SNX29: variants seen among roughly 807,000 people sequenced by gnomAD.
SNX29 encodes the protein sorting nexin-29.
SNX29 carries 78 observed loss-of-function variants against 102.1 expected under a neutral mutation model. The ratio of observed to expected loss-of-function variants is 0.76; its 90% CI spans 0.64 to 0.92. The LOEUF is 0.92. SNX29 is among the 40% of genes least tolerant of loss of function. The probability of loss-of-function intolerance (pLI) is 0.00; values close to 1 mark genes in which losing one functional copy is unlikely to be tolerated. For synonymous variants in SNX29, 580 were observed against 414.5 expected (o/e 1.40, Z -4.85); for missense variants, 1,280 against 1,061.7 (o/e 1.21, Z -2.86).
intron 13 of SNX29, among the ~76,000 whole-genome samples, chr16:12,141,332 C>T (rs924611886): frequency 7.2e-5 from 11 of 152,270 alleles, no homozygotes; most frequent in East Asian, 1.9e-4. Context: ...TTAGTATCCT[C>T]GGCTCTATGC....
At chr16:12,198,603 C>G (rs574344044) in intron 13 of SNX29, among the ~76,000 whole-genome samples, 147 of 152,280 alleles carry the variant, frequency 9.7e-4, no homozygotes, top group Non-Finnish European at 1.4e-3. Flanking sequence ...GTGTAAGAGG[C>G]ACCTCCCTCT....
intron 14 of SNX29, among the ~76,000 whole-genome samples, chr16:12,258,758 G>T (rs539144758): frequency 6.6e-6 from 1 of 152,264 alleles, no homozygotes; most frequent in East Asian, 1.9e-4. Flanking sequence ...CGTGGAACTT[G>T]TAAGGGTTTG....
intron 14 of SNX29, among the ~76,000 whole-genome samples, chr16:12,215,141 A>G (rs2077287211): frequency 6.6e-6 from 1 of 152,136 alleles, no homozygotes; most frequent in Admixed American, 6.5e-5. Context: ...GCTTCATGGC[A>G]ACTGTCCTGT....
intron 19 of SNX29, among the ~76,000 whole-genome samples, chr16:12,502,925 T>C (rs1256730009): frequency 6.6e-6 from 1 of 152,248 alleles, no homozygotes; most frequent in African/African-American, 2.4e-5. Flanking sequence ...TGTTATTGAA[T>C]GTGCCTGCAA....
intron 11 of SNX29, among the ~76,000 whole-genome samples, chr16:12,125,653 T>A (rs2054182714): frequency 8.4e-6 from 1 of 118,576 alleles, no homozygotes; most frequent in Non-Finnish European, 1.6e-5. Context: ...AGATGAGGTC[T>A]CACTATGTCG....
At chr16:12,092,462 A>T (rs1284173435) in intron 11 of SNX29, among the ~76,000 whole-genome samples, 2 of 152,256 alleles carry the variant, frequency 1.3e-5, no homozygotes, top group African/African-American at 4.8e-5. Context: ...AAGGCCTGGT[A>T]ATATGAGTTG....
intron 3 of SNX29, among the ~76,000 whole-genome samples, chr16:12,011,854 G>C (rs1040485085): frequency 6.6e-6 from 1 of 152,092 alleles, no homozygotes; most frequent in African/African-American, 2.4e-5. Flanking sequence ...TGGAAAATCA[G>C]ATAATAATAA....
intron 20 of SNX29, chr16:12,527,525 G>T (rs994704382): frequency 4.0e-5 from 16 of 395,740 alleles, no homozygotes; most frequent in African/African-American, 2.0e-4. Flanking sequence ...TAAAGAGAGG[G>T]CCCCCCATTT....
At chr16:12,472,134 C>T (rs1003927488) in intron 18 of SNX29, among the ~76,000 whole-genome samples, 1 of 152,220 alleles carries the variant, frequency 6.6e-6, no homozygotes, top group Admixed American at 6.5e-5. Flanking sequence ...GAGGGCCATA[C>T]ACAGAAACAC....
chr16:12,027,405 A>G lies in SNX29; in HGVS notation c.208A>G (p.Ile70Val). Residue 70 changes from isoleucine to valine, a missense_variant, in exon 4 of 21, where the codon ATC (isoleucine) becomes GTC (valine). Ile to Val is a conservative substitution (Grantham distance 29, BLOSUM62 3). Coordinates refer to ENST00000566228, the MANE Select transcript of SNX29 (RefSeq NM_032167.5). ...AGGATTGGCACTCACAGCGGCAGCG[A>G]TCAAGCAGGCAGCGGGCTTTGCCAG... ...SRGLALTAAA[I>V]KQAAGFASKT... is the part of the protein sequence containing the mutation. The G allele has an allele frequency of 6.2e-7, 1 of 1,614,126 alleles. No homozygotes were observed. The highest frequency in any genetic ancestry group is 8.5e-7 in the Non-Finnish European group (1 of 1,179,990).
chr16:12,108,720 A>G (rs967134314), intron 11 of SNX29, among the ~76,000 whole-genome samples: 4 of 152,144 alleles, frequency 2.6e-5, no homozygotes, highest in Admixed American at 1.3e-4. Flanking sequence ...TGGCCAGTGC[A>G]AGGGTTTGAA....
chr16:12,201,179 G>T (rs2076906038), intron 14 of SNX29, among the ~76,000 whole-genome samples: 1 of 152,172 alleles, frequency 6.6e-6, no homozygotes, highest in African/African-American at 2.4e-5. Context: ...TATCAGTGCA[G>T]AATTAATCAT....
chr16:12,549,531 A>C (rs948797412), intron 20 of SNX29, among the ~76,000 whole-genome samples: 1 of 33,664 alleles, frequency 3.0e-5, no homozygotes, highest in African/African-American at 1.0e-3. Flanking sequence ...CCTCTATCTC[A>C]AATAGCCAGT....
At chr16:12,392,713 T>C (rs1043921723) in intron 16 of SNX29, among the ~76,000 whole-genome samples, 57 of 152,366 alleles carry the variant, frequency 3.7e-4, no homozygotes, top group African/African-American at 1.1e-3. Flanking sequence ...TTTTTACTCC[T>C]AGCAAAGAAT....
At chr16:12,203,762 C>T (rs781344140) in intron 14 of SNX29, among the ~76,000 whole-genome samples, 6 of 152,192 alleles carry the variant, frequency 3.9e-5, no homozygotes, top group African/African-American at 9.7e-5. Flanking sequence ...ATTTGCCTGA[C>T]GTGAGAGCTT....
rs76945760 is a variant in SNX29 at position 12,530,945 on chromosome 16, G to C, written c.2318+6104G>C. Reference sequence around the variant, plus strand: ...CTGTTTCATAATTTATTTCACCCTTGCTCTACTTGAACAGTTAAGAGGTTT... The same window carrying C: ...CTGTTTCATAATTTATTTCACCCTTCCTCTACTTGAACAGTTAAGAGGTTT... On this transcript the variant is annotated intron_variant, in intron 20 of 20. Transcript: ENST00000566228. Among the ~76,000 whole-genome samples, 16 of 152,254 alleles carry C rather than the reference G, an allele frequency of 1.1e-4. No individual in the cohort carries two copies. In the East Asian group the frequency reaches 3.1e-3, roughly 29 times the overall value.
At chr16:12,006,202 T>C (rs959948594) in intron 3 of SNX29, among the ~76,000 whole-genome samples, 1 of 102,936 alleles carries the variant, frequency 9.7e-6, no homozygotes, top group Non-Finnish European at 2.3e-5. Context: ...AGACCCTGTC[T>C]CTAAAATAAT....
rs141567687 is a variant in SNX29, at chr16:12,062,951, A to G, written c.1243+1305A>G. ...CTGAGCGTCAGCATTCCTGGCTGTT[A>G]AATGAGGCTGAGTGCTTCCTGTCTG... On this transcript the variant is annotated intron_variant, in intron 9 of 20. Coordinates refer to ENST00000566228, the MANE Select transcript of SNX29 (RefSeq NM_032167.5). 3.1e-3 allele frequency among the ~76,000 whole-genome samples: 475 copies of G among 152,318 alleles called. 1 individual carries two copies. The highest frequency in any genetic ancestry group is 0.011 in the African/African-American group (460 of 41,580).
intron 14 of SNX29, among the ~76,000 whole-genome samples, chr16:12,252,513 A>G (rs960795222): frequency 2.0e-5 from 3 of 152,210 alleles, no homozygotes; most frequent in Admixed American, 6.5e-5. Context: ...GTGCCATTCT[A>G]AGTTCGTAGG....
Sources: allele counts gnomAD v4.1 joint callset (sites outside exome capture counted in the v4.1 genomes callset), GRCh38; gene constraint gnomAD v4.1.1; transcripts MANE v1.5; gene names NCBI Gene and HGNC (gene_info 2026-07-23, HGNC 2026-07-21).